The following PSMD14 variants were observed in gnomAD, a reference collection of about 807,000 sequenced individuals.
PSMD14 encodes ubiquitin C-terminal hydrolase PSMD14.
In PSMD14, 7 loss-of-function variants were observed where a neutral mutation model predicts 41.2. That is an observed-to-expected ratio of 0.17 (90% CI 0.10 to 0.32). PSMD14 has a LOEUF of 0.32. PSMD14 is among the 10% of genes least tolerant of loss of function. PSMD14 has a pLI of 1.00. For synonymous variants in PSMD14, 114 were observed against 122.3 expected (o/e 0.93, Z 0.45); for missense variants, 139 against 375.6 (o/e 0.37, Z 5.21).
chr2:161,404,076 T>G (rs182539688), intron 10 of PSMD14, among the ~76,000 whole-genome samples: 1 of 152,052 alleles, frequency 6.6e-6, no homozygotes, highest in East Asian at 1.9e-4. Context: ...TGGCTATTTT[T>G]TTTTTTCTTT....
intron 7 of PSMD14, among the ~76,000 whole-genome samples, chr2:161,372,068 G>C (rs1683442522): frequency 6.6e-6 from 1 of 151,242 alleles, no homozygotes; most frequent in African/African-American, 2.4e-5. Context: ...TCACAGAGCT[G>C]TCTGCAAATG....
chr2:161,337,530 T>C (rs4664418), intron 3 of PSMD14, among the ~76,000 whole-genome samples: 139,006 of 152,254 alleles, frequency 0.91, 63,504 homozygotes, highest in East Asian at 1. Context: ...TTTCTAATTC[T>C]AAAGTATCTC....
At position 161,408,752 on chromosome 2, in the gene PSMD14, G is replaced by T. The variant is rs1214615623; in HGVS notation, c.772-85G>T. On this transcript the variant is annotated intron_variant, in intron 10 of 11. Coordinates refer to ENST00000409682, the MANE Select transcript of PSMD14 (RefSeq NM_005805.6). ...TAAAAGTTGTATGAATGAAAATTCT[G>T]GTCATCATTATTTTTGGTGATTATC... 2.5e-5 allele frequency: 24 copies of T among 954,474 alleles called. No homozygotes were observed. In the African/African-American group the frequency reaches 3.7e-4, roughly 15 times the overall value. 59.1% of individuals were successfully genotyped at this position (954,474 alleles called of 1,614,324 possible).
At chr2:161,398,851 A>G (rs1683838137) in intron 10 of PSMD14, among the ~76,000 whole-genome samples, 1 of 152,100 alleles carries the variant, frequency 6.6e-6, no homozygotes, top group Admixed American at 6.6e-5. Flanking sequence ...TGGTAGTACA[A>G]TATGATAAAA....
intron 3 of PSMD14, among the ~76,000 whole-genome samples, chr2:161,364,489 A>G (rs1574131161): frequency 6.6e-6 from 1 of 151,714 alleles, no homozygotes; most frequent in Non-Finnish European, 1.5e-5. Flanking sequence ...CAGGGGCCAC[A>G]CCCTCCTCTA....
chr2:161,331,532 A>G lies in PSMD14; in HGVS notation c.48+12659A>G, dbSNP rs111613972. ...CTCGGCCTACCAAAGTGCTGGGATT[A>G]CAGGCGTGAGCCACCGCGCCTGGCC... On this transcript the variant is annotated intron_variant, in intron 3 of 11. Transcript: ENST00000409682. Among the ~76,000 whole-genome samples the G allele has an allele frequency of 3.9e-3, 601 of 152,294 alleles. 5 individuals carry two copies. Among genetic ancestry groups the G allele is most frequent in the African/African-American group, 0.014 (565 of 41,556 alleles).
chr2:161,368,875 A>C (rs1043355809), intron 5 of PSMD14, among the ~76,000 whole-genome samples: 3 of 151,976 alleles, frequency 2.0e-5, no homozygotes, highest in Non-Finnish European at 4.4e-5. Context: ...TTAAAATAGA[A>C]TATTTGCTAC....
intron 3 of PSMD14, among the ~76,000 whole-genome samples, chr2:161,343,297 C>CA (rs1682993763): frequency 6.6e-6 from 1 of 152,180 alleles, no homozygotes; most frequent in Non-Finnish European, 1.5e-5. Flanking sequence ...CAAAGGACCT[C>CA]ACATATATGG....
chr2:161,367,325 T>G (rs535918405), intron 3 of PSMD14, among the ~76,000 whole-genome samples, 153 bp from the exon 4 acceptor site: 1 of 152,350 alleles, frequency 6.6e-6, no homozygotes, highest in East Asian at 1.9e-4. Context: ...TATTTGCAAA[T>G]GTGTTTTGAT....
chr2:161,346,019 C>G (rs1193732419), intron 3 of PSMD14, among the ~76,000 whole-genome samples: 2 of 152,022 alleles, frequency 1.3e-5, no homozygotes, highest in East Asian at 3.9e-4. Flanking sequence ...AGTCTCCCGA[C>G]TACAGTCATG....
intron 11 of PSMD14, among the ~76,000 whole-genome samples, chr2:161,410,259 A>G (rs1684005246): frequency 6.6e-6 from 1 of 152,032 alleles, no homozygotes; most frequent in Non-Finnish European, 1.5e-5. Flanking sequence ...AATAAAAAAT[A>G]TATTGTAGTC....
intron 10 of PSMD14, among the ~76,000 whole-genome samples, chr2:161,401,020 A>G (rs953886594): frequency 1.3e-5 from 2 of 152,246 alleles, no homozygotes; most frequent in African/African-American, 4.8e-5. Flanking sequence ...CAGTTAAGAA[A>G]GTTGAATTGC....
At position 161,394,475 on chromosome 2, in the gene PSMD14, T is replaced by TA. The variant is rs149298444; in HGVS notation, c.646-602dup. On this transcript the variant is annotated intron_variant, in intron 9 of 11. Coordinates refer to ENST00000409682, the MANE Select transcript of PSMD14 (RefSeq NM_005805.6). ...AAGGTCACTCAATAAATGGGGCATTTATCTCGTTATCTTGGCATTTGAAAG... is the reference window on the plus strand; with the variant it reads ...AAGGTCACTCAATAAATGGGGCATTTAATCTCGTTATCTTGGCATTTGAAAG... Among the ~76,000 whole-genome samples, 360 of 152,330 alleles carry TA rather than the reference T, an allele frequency of 2.4e-3. 2 individuals carry two copies. The highest frequency in any genetic ancestry group is 8.4e-3 in the African/African-American group (351 of 41,582).
At chr2:161,389,912 T>TTTTTTTTTTTG (rs1299369817) in intron 8 of PSMD14, among the ~76,000 whole-genome samples, 1 of 130,246 alleles carries the variant, frequency 7.7e-6, no homozygotes, top group African/African-American at 3.3e-5. Context: ...TTTTTTTTTT[T>TTTTTTTTTTTG]AGAGATGGGG....
At chr2:161,393,630 C>T (rs970248466) in intron 9 of PSMD14, among the ~76,000 whole-genome samples, 1 of 152,162 alleles carries the variant, frequency 6.6e-6, no homozygotes, top group African/African-American at 2.4e-5. Flanking sequence ...TCTTCAGATT[C>T]TTATGGCTCA....
At chr2:161,363,353 A>G (rs974516185) in intron 3 of PSMD14, among the ~76,000 whole-genome samples, 2 of 152,114 alleles carry the variant, frequency 1.3e-5, no homozygotes, top group Non-Finnish European at 2.9e-5. Context: ...TTTACTGTAC[A>G]TTTTGGGACA....
At chr2:161,378,788 T>C (rs1683536565) in intron 7 of PSMD14, among the ~76,000 whole-genome samples, 2 of 152,028 alleles carry the variant, frequency 1.3e-5, no homozygotes, top group Admixed American at 1.3e-4. Flanking sequence ...TACACTGCAG[T>C]TTCCTCATCC....
intron 3 of PSMD14, among the ~76,000 whole-genome samples, chr2:161,335,007 C>A (rs1385156038): frequency 6.6e-6 from 1 of 152,208 alleles, no homozygotes; most frequent in Non-Finnish European, 1.5e-5. Context: ...TTCTAGGAAG[C>A]CTCAGAGATT....
intron 3 of PSMD14, among the ~76,000 whole-genome samples, chr2:161,349,000 CCT>C (rs1683082138): frequency 6.6e-6 from 1 of 152,162 alleles, no homozygotes; most frequent in Non-Finnish European, 1.5e-5. Context: ...GGTTCATTGG[CCT>C]CTCACTCCCA....
Sources: gnomAD v4.1 joint callset for allele counts (sites outside exome capture counted in the v4.1 genomes callset) on GRCh38, gnomAD v4.1.1 for gene constraint, MANE v1.5 for transcripts, NCBI Gene and HGNC (gene_info 2026-07-23, HGNC 2026-07-21) for gene names.